Variants in WWOX observed in about 807,000 individuals in gnomAD.
WWOX encodes WW domain containing oxidoreductase.
A neutral mutation model predicts 46.2 loss-of-function variants in WWOX; 69 were observed. The ratio of observed to expected loss-of-function variants is 1.49; its 90% CI spans 1.23 to 1.82. The LOEUF (loss-of-function observed/expected upper bound fraction) is 1.82, where lower values mean the gene tolerates loss of function less well. Among genes scored for constraint, WWOX ranks in the 40% most tolerant of loss-of-function variants. The pLI is 0.00. For missense variants in WWOX, 919 were observed against 542.6 expected (o/e 1.69, Z -6.89); for synonymous variants, 359 against 202.6 (o/e 1.77, Z -6.56).
rs912318512 is a variant in WWOX, at chr16:78,849,272, C to T, written c.1057-362336C>T. Among the ~76,000 whole-genome samples the T allele has an allele frequency of 1.3e-5, 2 of 152,134 alleles. 1 individual carries two copies. The highest frequency in any genetic ancestry group is 4.2e-4 in the South Asian group (2 of 4,814). On this transcript the variant is annotated intron_variant, in intron 8 of 8. Transcript: ENST00000566780. ...AGAAATTGCGAAGTCACGAAGTTGT[C>T]AAAAAACACAACGACAGGCCGGGCG...
chr16:78,899,322 A>G (rs188307329), intron 8 of WWOX: 1 of 152,286 alleles, frequency 6.6e-6, no homozygotes, highest in African/African-American at 2.4e-5. Context: ...CTATCTGCAT[A>G]TTAGAGGGAG....
chr16:78,618,762 C>CCT (rs770220800), intron 8 of WWOX, among the ~76,000 whole-genome samples: 148 of 151,990 alleles, frequency 9.7e-4, no homozygotes, highest in Non-Finnish European at 1.7e-3. Context: ...GTCTTCCCCA[C>CCT]CTGAGACCTG....
chr16:78,580,670 T>A (rs576374003), intron 8 of WWOX, among the ~76,000 whole-genome samples: 9 of 152,360 alleles, frequency 5.9e-5, no homozygotes, highest in African/African-American at 2.2e-4. Context: ...ACTATCTTGT[T>A]TGCAGAGTAT....
chr16:78,621,693 G>A (rs115035609), intron 8 of WWOX, among the ~76,000 whole-genome samples: 1,915 of 140,344 alleles, frequency 0.014, 45 homozygotes, highest in African/African-American at 0.049. Flanking sequence ...CGAGCTCTGC[G>A]TCGTGGGTTC....
intron 8 of WWOX, among the ~76,000 whole-genome samples, chr16:78,803,420 A>G (rs556678447): frequency 2.3e-4 from 35 of 152,256 alleles, no homozygotes; most frequent in Non-Finnish European, 1.6e-4. Context: ...AAATTTGTGC[A>G]GAAAAGTATT....
At chr16:78,322,285 A>G (rs2080501162) in intron 5 of WWOX, among the ~76,000 whole-genome samples, 1 of 152,152 alleles carries the variant, frequency 6.6e-6, no homozygotes, top group South Asian at 2.1e-4. Context: ...TCTGTGTATT[A>G]GCCAGCATTA....
chr16:79,033,049 C>G (rs1312753536), intron 8 of WWOX, among the ~76,000 whole-genome samples: 1 of 151,040 alleles, frequency 6.6e-6, no homozygotes, highest in Non-Finnish European at 1.5e-5. Flanking sequence ...AATTAATTTG[C>G]TAAGGATAAT....
chr16:78,652,813 T>G (rs1027093727), intron 8 of WWOX, among the ~76,000 whole-genome samples: 2 of 152,246 alleles, frequency 1.3e-5, no homozygotes, highest in African/African-American at 2.4e-5. Context: ...TTTATTCATC[T>G]TCCTTATTCA....
chr16:78,984,452 C>G (rs556834406), intron 8 of WWOX, among the ~76,000 whole-genome samples: 1 of 152,306 alleles, frequency 6.6e-6, no homozygotes, highest in Admixed American at 6.5e-5. Context: ...AGTGCAAAAG[C>G]AGCTGTAGAC....
chr16:78,760,055 G>C (rs1157095008), intron 8 of WWOX, among the ~76,000 whole-genome samples: 2 of 152,146 alleles, frequency 1.3e-5, no homozygotes, highest in Admixed American at 1.3e-4. Flanking sequence ...TAGTGATAAA[G>C]ACATACCCAA....
chr16:78,858,589 G>T (rs969681502), intron 8 of WWOX, among the ~76,000 whole-genome samples: 1 of 152,042 alleles, frequency 6.6e-6, no homozygotes, highest in Non-Finnish European at 1.5e-5. Flanking sequence ...TCACCAGCAC[G>T]GAGTGTGGCT....
At chr16:79,036,641 C>G (rs578144731) in intron 8 of WWOX, among the ~76,000 whole-genome samples, 1 of 152,182 alleles carries the variant, frequency 6.6e-6, no homozygotes, top group East Asian at 1.9e-4. Context: ...TTCACAGTGG[C>G]TCTCTGAAGC....
At chr16:78,284,384 GCCCACCTA>G (rs1474240080) in intron 5 of WWOX, among the ~76,000 whole-genome samples, 1 of 152,110 alleles carries the variant, frequency 6.6e-6, no homozygotes, top group Non-Finnish European at 1.5e-5. Context: ...TGAACCTCTT[GCCCACCTA>G]GGCATGCCTG....
At chr16:78,684,810 C>T (rs1218559339) in intron 8 of WWOX, among the ~76,000 whole-genome samples, 1 of 152,122 alleles carries the variant, frequency 6.6e-6, no homozygotes, top group African/African-American at 2.4e-5. Flanking sequence ...CCATATGTTT[C>T]AGTGAAGCAG....
chr16:78,657,645 C>T (rs1219872706), intron 8 of WWOX, among the ~76,000 whole-genome samples: 1 of 152,076 alleles, frequency 6.6e-6, no homozygotes, highest in Non-Finnish European at 1.5e-5. Flanking sequence ...GATTTTAGTC[C>T]CCTCTTGAAT....
At chr16:79,078,675 C>G (rs1363859213) in intron 8 of WWOX, among the ~76,000 whole-genome samples, 1 of 152,132 alleles carries the variant, frequency 6.6e-6, no homozygotes, top group Admixed American at 6.5e-5. Context: ...AATTTGTTGT[C>G]TGTGTTTAAA....
At position 78,103,253 on chromosome 16, in the gene WWOX, T is replaced by G. The variant is rs1023010504; in HGVS notation, c.107+3368T>G. ...TCTCTGGCTCCGCTGTTTTTTTTTT[T>G]TTTTTTTTTTTAATTTAATTTAACT... On this transcript the variant is annotated intron_variant, in intron 1 of 8. Coordinates refer to ENST00000566780, the MANE Select transcript of WWOX (RefSeq NM_016373.4). 7.4e-3 allele frequency among the ~76,000 whole-genome samples: 1,119 copies of G among 151,034 alleles called. 26 individuals carry two copies. The highest frequency in any genetic ancestry group is 0.013 in the Admixed American group (200 of 15,142).
chr16:78,551,038 A>G (rs1322039904), intron 8 of WWOX: 1 of 152,256 alleles, frequency 6.6e-6, no homozygotes, highest in Admixed American at 6.5e-5. Flanking sequence ...AATATATTCC[A>G]TGAAACAAGT....
At chr16:79,072,590 C>G (rs761630060) in intron 8 of WWOX, among the ~76,000 whole-genome samples, 3 of 152,162 alleles carry the variant, frequency 2.0e-5, no homozygotes, top group Admixed American at 6.6e-5. Context: ...TTATTAAGCG[C>G]TTTACAAGAT....
Sources: gnomAD v4.1 joint callset for allele counts (sites outside exome capture counted in the v4.1 genomes callset) on GRCh38, gnomAD v4.1.1 for gene constraint, MANE v1.5 for transcripts, NCBI Gene and HGNC (gene_info 2026-07-23, HGNC 2026-07-21) for gene names.